Variants in PHLDB2 observed in about 807,000 individuals in gnomAD.
PHLDB2 encodes pleckstrin homology-like domain family B member 2.
PHLDB2 carries 71 observed loss-of-function variants against 123.6 expected under a neutral mutation model. That is an observed-to-expected ratio of 0.57 (90% confidence interval 0.47 to 0.70). PHLDB2 has a LOEUF of 0.70. Ranked by LOEUF, PHLDB2 falls within the 30% of genes least tolerant of loss-of-function variation. The pLI, the probability that PHLDB2 is intolerant of heterozygous loss-of-function variation, is 0.00. For synonymous variants in PHLDB2, 547 were observed against 541.6 expected (o/e 1.01, Z -0.14); for missense variants, 1,446 against 1,519.5 (o/e 0.95, Z 0.80).
At chr3:111,971,909 C>G (rs1033032671) in intron 16 of PHLDB2, among the ~76,000 whole-genome samples, 1 of 152,098 alleles carries the variant, frequency 6.6e-6, no homozygotes, top group East Asian at 1.9e-4. Flanking sequence ...TAAAGAAAAC[C>G]GAGGCCTAGA....
rs1167095092 is a variant in PHLDB2, at chr3:111,806,262, A to G, written c.-48-39559A>G. Among the ~76,000 whole-genome samples, 16 of 152,228 alleles carry G rather than the reference A, an allele frequency of 1.1e-4. No homozygotes were observed. The South Asian group carries it at 3.1e-3, about 30-fold the overall frequency. ...TATATATGATTATGCAACCAGCACC[A>G]CAGTCCAGTTTAAAACATACCCATC... On this transcript the variant is annotated intron_variant, in intron 1 of 17. Coordinates refer to the PHLDB2 transcript ENST00000393923.
chr3:111,967,648 A>G (rs2071867297), intron 14 of PHLDB2, 30 bp from the exon 15 acceptor site: 1 of 1,578,374 alleles, frequency 6.3e-7, no homozygotes, highest in Non-Finnish European at 8.6e-7. Context: ...AGTATGTTTT[A>G]AAATAATCAT....
At chr3:111,805,509 C>A (rs374041683) in intron 1 of PHLDB2, among the ~76,000 whole-genome samples, 3 of 149,600 alleles carry the variant, frequency 2.0e-5, no homozygotes, top group African/African-American at 7.4e-5. Flanking sequence ...TGCAGTGAGC[C>A]GAGATTGCGC....
chr3:111,796,503 C>T (rs2061166483), intron 1 of PHLDB2, among the ~76,000 whole-genome samples: 1 of 152,158 alleles, frequency 6.6e-6, no homozygotes, highest in South Asian at 2.1e-4. Context: ...CTAACAGATT[C>T]TCCACAGAAT....
chr3:111,888,031 A>T lies in PHLDB2; in HGVS notation c.1335+2619A>T, dbSNP rs560832629. 3.3e-5 allele frequency among the ~76,000 whole-genome samples: 5 copies of T among 152,298 alleles called. No homozygotes were observed. The East Asian group carries it at 7.7e-4, about 23-fold the overall frequency. On this transcript the variant is annotated intron_variant, in intron 2 of 17. Coordinates refer to ENST00000431670, the MANE Select transcript of PHLDB2 (RefSeq NM_001134438.2). ...TATGGTTAATTTAACAAACAATATC[A>T]GCATGAAGGAGAGTTAAAATCCTTT... is the stretch of plus-strand genomic sequence containing the variant.
chr3:111,850,922 G>A (rs1329728107), intron 2 of PHLDB2, among the ~76,000 whole-genome samples: 4 of 152,058 alleles, frequency 2.6e-5, no homozygotes, highest in South Asian at 2.1e-4. Flanking sequence ...TTGGCCAGGC[G>A]TGGTGGCTCA....
chr3:111,820,664 A>C (rs1483620639), intron 1 of PHLDB2, among the ~76,000 whole-genome samples: 3 of 152,242 alleles, frequency 2.0e-5, no homozygotes, highest in Non-Finnish European at 4.4e-5. Flanking sequence ...AGATCTTCAC[A>C]GGCCCTGAAC....
At chr3:111,800,922 G>T (rs1268401182) in intron 1 of PHLDB2, among the ~76,000 whole-genome samples, 1 of 152,166 alleles carries the variant, frequency 6.6e-6, no homozygotes, top group Non-Finnish European at 1.5e-5. Context: ...TTGAAAAGAT[G>T]AATCAGCTGG....
Position 111,920,356 on chromosome 3 carries a change from T to G in PHLDB2, c.1938T>G (p.Ile646Met), listed in dbSNP as rs2068427793. The G allele has an allele frequency of 6.2e-7, 1 of 1,613,894 alleles. No homozygotes were observed. The highest frequency in any genetic ancestry group is 1.3e-5 in the African/African-American group (1 of 74,912). ...CTGAACTTATGAAGGAGAAGGAGAT[T>G]TTGGATCATCTAAACCGGAAAATAG... ...ETTELMKEKE[I>M]LDHLNRKIAE... Residue 646 changes from isoleucine (I) to methionine (M), a missense_variant, in exon 5 of 18, where the codon ATT becomes ATG. Physicochemically the swap from Ile to Met is conservative, Grantham distance 10. Coordinates refer to ENST00000431670, the MANE Select transcript of PHLDB2 (RefSeq NM_001134438.2).
chr3:111,756,991 G>T (rs1184056581), intron 1 of PHLDB2, among the ~76,000 whole-genome samples: 1 of 152,118 alleles, frequency 6.6e-6, no homozygotes, highest in Non-Finnish European at 1.5e-5. Flanking sequence ...CTCTCTTCTG[G>T]CTTGTAGAGT....
chr3:111,777,085 A>G lies in PHLDB2; in HGVS notation c.-49+44382A>G, dbSNP rs868170923. ...AGGCCCAGACAGAAGGGCTTTGATG[A>G]GGAGGCAGCATCATTTGCTGCAGGA... On this transcript the variant is annotated intron_variant, in intron 1 of 17. Transcript: ENST00000393923. Among the ~76,000 whole-genome samples, 27 of 152,238 alleles carry G rather than the reference A, an allele frequency of 1.8e-4. 1 individual carries two copies. Among genetic ancestry groups the G allele is most frequent in the Admixed American group, 8.5e-4 (13 of 15,282 alleles).
intron 2 of PHLDB2, among the ~76,000 whole-genome samples, chr3:111,896,853 G>T (rs1000375971): frequency 6.6e-6 from 1 of 151,700 alleles, no homozygotes; most frequent in Non-Finnish European, 1.5e-5. Flanking sequence ...TTATGAAGGT[G>T]CTTATTAGAA....
At chr3:111,827,534 G>C (rs1241102917) in intron 1 of PHLDB2, among the ~76,000 whole-genome samples, 1 of 152,062 alleles carries the variant, frequency 6.6e-6, no homozygotes, top group Non-Finnish European at 1.5e-5. Context: ...AATTAGCCGG[G>C]TGTTGTGGCA....
At chr3:111,772,042 G>T (rs1486802634) in intron 1 of PHLDB2, among the ~76,000 whole-genome samples, 3 of 136,528 alleles carry the variant, frequency 2.2e-5, no homozygotes, top group African/African-American at 8.0e-5. Flanking sequence ...CTTTGAATTT[G>T]GTATAAAATA....
chr3:111,856,380 T>C (rs866133268), upstream of PHLDB2, among the ~76,000 whole-genome samples: 2 of 152,212 alleles, frequency 1.3e-5, no homozygotes, highest in Admixed American at 6.5e-5. Flanking sequence ...ACCAACTTAT[T>C]ACCTGAGTGA....
chr3:111,754,661 G>A (rs1269378771), intron 1 of PHLDB2, among the ~76,000 whole-genome samples: 5 of 143,938 alleles, frequency 3.5e-5, no homozygotes, highest in African/African-American at 1.3e-4. Context: ...CTGCCTAATT[G>A]CCCTGGCCAG....
chr3:111,959,449 G>T (rs546825040), intron 12 of PHLDB2, among the ~76,000 whole-genome samples: 1 of 152,224 alleles, frequency 6.6e-6, no homozygotes, highest in Non-Finnish European at 1.5e-5. Flanking sequence ...TTGGGAAAAA[G>T]ATGCTTATTA....
At chr3:111,737,115 C>A (rs982710526) in intron 1 of PHLDB2, among the ~76,000 whole-genome samples, 6 of 152,180 alleles carry the variant, frequency 3.9e-5, no homozygotes, top group African/African-American at 1.2e-4. Flanking sequence ...CAGAAACCAG[C>A]TACAGTTACA....
At chr3:111,894,935 T>G (rs1326631461) in intron 2 of PHLDB2, among the ~76,000 whole-genome samples, 1 of 151,480 alleles carries the variant, frequency 6.6e-6, no homozygotes, top group Non-Finnish European at 1.5e-5. Context: ...GGTTTGCGTG[T>G]GTGTGTGTGT....
Sources: gnomAD v4.1 joint callset for allele counts (sites outside exome capture counted in the v4.1 genomes callset) on GRCh38, gnomAD v4.1.1 for gene constraint, MANE v1.5 for transcripts, NCBI Gene and HGNC (gene_info 2026-07-23, HGNC 2026-07-21) for gene names.